FMNL3: variants seen among roughly 807,000 people sequenced by gnomAD.
FMNL3 encodes the protein formin-like protein 3.
Under a neutral mutation model 119.6 loss-of-function variants are expected in FMNL3, and 57 were observed. The ratio of observed to expected loss-of-function variants is 0.48; its 90% CI spans 0.39 to 0.59. The LOEUF (loss-of-function observed/expected upper bound fraction) is 0.59. FMNL3 is among the 20% of genes least tolerant of loss of function. The pLI is 0.00. For synonymous variants in FMNL3, 491 were observed against 507.3 expected, an observed-to-expected ratio of 0.97 and a Z score of 0.43; for missense variants, 1,053 against 1,323.5, an observed-to-expected ratio of 0.80 and a Z score of 3.17.
rs766261030 is a variant in FMNL3, at chr12:49,658,407, T to C, written c.605+35A>G. ...CCGAGACCTGCACTGAAGGGTAGGG[T>C]GGGAGGCAGGTGGGCAGAGCAAAAG... On this transcript the variant is annotated intron_variant, in intron 6 of 25. Coordinates refer to ENST00000335154, the MANE Select transcript of FMNL3 (RefSeq NM_175736.5). The C allele has an allele frequency of 1.8e-5, 28 of 1,541,604 alleles. No homozygotes were observed. In the East Asian group the frequency reaches 6.4e-4, roughly 35 times the overall value.
Position 49,638,609 on chromosome 12 carries a change from A to G in FMNL3, c.*7206T>C, listed in dbSNP as rs1018792016. On this transcript the variant is annotated 3_prime_UTR_variant, in exon 26 of 26. Coordinates refer to ENST00000335154, the MANE Select transcript of FMNL3 (RefSeq NM_175736.5). ...TGGACTAAACCTTGTGTTCCAAAAG[A>G]AAAAAACAAAGAGCATATTTCTTTA... The G allele has an allele frequency of 6.6e-6, 1 of 152,216 alleles. No homozygotes were observed. 9.4% of individuals were successfully genotyped at this position (152,216 alleles called of 1,614,324 possible). A position where few individuals can be genotyped will look rare whatever the true frequency, so the allele number is the denominator to read the frequency against.
In FMNL3 at chr12:49,649,389, C is replaced by G. The variant is rs775025626; in HGVS notation, c.2305-50G>C. 1.1e-5 allele frequency: 18 copies of G among 1,613,516 alleles called. No homozygotes were observed. Among genetic ancestry groups the G allele is most frequent in the Non-Finnish European group, 1.4e-5 (16 of 1,179,618 alleles). On this transcript the variant is annotated intron_variant, in intron 19 of 25. Coordinates refer to ENST00000335154, the MANE Select transcript of FMNL3 (RefSeq NM_175736.5). The surrounding 1 kb of genome is among the most constrained non-coding windows in gnomAD (Gnocchi z 5.6). ...AGGTCAGGCTCAGGTCCTGAAGGCT[C>G]CTTCTTCCTCTCTGTATAGCCCCAG...
chr12:49,678,054 G>C (rs1247870971), intron 1 of FMNL3, among the ~76,000 whole-genome samples: 7 of 152,082 alleles, frequency 4.6e-5, no homozygotes, highest in African/African-American at 1.7e-4. Context: ...AGTAGAGAAG[G>C]GGTTTCACTG....
rs1943375983 is a variant in FMNL3 at position 49,650,844 on chromosome 12, T to C, written c.1832A>G (p.Lys611Arg). Residue 611 changes from lysine to arginine, a missense_variant, in exon 17 of 26, where the codon AAG (lysine) becomes AGG (arginine). Physicochemically the swap from Lys to Arg is conservative, Grantham distance 26 (BLOSUM62 2). Coordinates refer to ENST00000335154, the MANE Select transcript of FMNL3 (RefSeq NM_175736.5). The part of the protein sequence containing the change: ...LDLDKFEELF[K>R]TKAQGPALDL... The stretch of plus-strand genomic sequence containing the variant: ...AAGGGCAGGGCCCTGCGCTTTTGTC[T>C]TGAATAATTCTTCAAACTTATCAAG... The C allele has an allele frequency of 6.2e-7, 1 of 1,614,204 alleles. No individual in the cohort carries two copies. The highest frequency in any genetic ancestry group is 8.5e-7 in the Non-Finnish European group (1 of 1,180,032).
intron 1 of FMNL3, among the ~76,000 whole-genome samples, chr12:49,692,956 T>C (rs1055024739): frequency 6.6e-6 from 1 of 152,176 alleles, no homozygotes; most frequent in Non-Finnish European, 1.5e-5. Flanking sequence ...AAACAGCTTA[T>C]GCAAAGATCC....
At chr12:49,659,899 T>C (rs1036480671) in intron 5 of FMNL3, 1 of 985,336 alleles carries the variant, frequency 1.0e-6, no homozygotes, top group African/African-American at 1.7e-5. Flanking sequence ...TTACAGGTTC[T>C]TCTCCCCCAA....
At chr12:49,660,521 G>A (rs1592656221) in intron 5 of FMNL3, among the ~76,000 whole-genome samples, 1 of 152,292 alleles carries the variant, frequency 6.6e-6, no homozygotes, top group Non-Finnish European at 1.5e-5. Context: ...AGAATGCAGT[G>A]GGCCACTCTT....
chr12:49,678,833 T>A (rs771554259), intron 1 of FMNL3, among the ~76,000 whole-genome samples: 1 of 152,146 alleles, frequency 6.6e-6, no homozygotes, highest in African/African-American at 2.4e-5. Context: ...GATGGTGATA[T>A]TCTAGGCAAG....
At chr12:49,648,052 C>T in intron 22 of FMNL3, 141 bp downstream of exon 22, 1 of 1,101,052 alleles carries the variant, frequency 9.1e-7, no homozygotes, top group Non-Finnish European at 1.3e-6. Context: ...AGCTGCCTGG[C>T]ACTCCCAAAG....
chr12:49,667,281 G>A lies in FMNL3; in HGVS notation c.211-1074C>T, dbSNP rs184645954. Reference sequence around the variant, plus strand: ...CTAAAAACAAATCAAAGAAAAAAACGAAAGGTGTGAGAAACAGCTGAAATT... The same window carrying A: ...CTAAAAACAAATCAAAGAAAAAAACAAAAGGTGTGAGAAACAGCTGAAATT... On this transcript the variant is annotated intron_variant, in intron 2 of 25. Transcript: ENST00000335154. Among the ~76,000 whole-genome samples the A allele has an allele frequency of 4.7e-3, 712 of 152,142 alleles. 8 individuals are homozygous for A. Among genetic ancestry groups the A allele is most frequent in the African/African-American group, 0.016 (682 of 41,456 alleles).
Position 49,636,814 on chromosome 12 carries a change from C to T in FMNL3, c.*9001G>A, listed in dbSNP as rs1416230045. On this transcript the variant is annotated 3_prime_UTR_variant, in exon 26 of 26. Coordinates refer to ENST00000335154, the MANE Select transcript of FMNL3 (RefSeq NM_175736.5). Reference sequence around the variant, plus strand: ...ACGGGAGCGGGCCCGGCTTCGGGAGCGACGCCAACAACGCAAGAATCGGGA... The same window carrying T: ...ACGGGAGCGGGCCCGGCTTCGGGAGTGACGCCAACAACGCAAGAATCGGGA... 2 of 1,614,002 alleles carry T rather than the reference C, an allele frequency of 1.2e-6. No homozygotes were observed. Among genetic ancestry groups the T allele is most frequent in the African/African-American group, 1.3e-5 (1 of 74,912 alleles).
At chr12:49,705,066 G>A (rs1269553252) in intron 1 of FMNL3, among the ~76,000 whole-genome samples, 2 of 152,150 alleles carry the variant, frequency 1.3e-5, no homozygotes, top group African/African-American at 2.4e-5. Flanking sequence ...CCCCAGAGAA[G>A]AACTCAAATC....
At chr12:49,677,752 C>G in intron 1 of FMNL3, among the ~76,000 whole-genome samples, 1 of 152,166 alleles carries the variant, frequency 6.6e-6, no homozygotes, top group South Asian at 2.1e-4. Flanking sequence ...GACAGCATTG[C>G]TGTGAAAGAG....
chr12:49,676,741 T>G (rs1944201507), intron 1 of FMNL3, among the ~76,000 whole-genome samples: 1 of 152,158 alleles, frequency 6.6e-6, no homozygotes, highest in South Asian at 2.1e-4. Flanking sequence ...TTTTTACCAC[T>G]GTCCTTACTA....
chr12:49,674,714 G>C (rs902070490), intron 1 of FMNL3, among the ~76,000 whole-genome samples: 9 of 152,182 alleles, frequency 5.9e-5, no homozygotes, highest in Non-Finnish European at 1.3e-4. Context: ...TACCACTCTG[G>C]TGATGAGCTG....
At chr12:49,703,522 C>T (rs1409331269) in intron 1 of FMNL3, among the ~76,000 whole-genome samples, 1 of 151,844 alleles carries the variant, frequency 6.6e-6, no homozygotes, top group Non-Finnish European at 1.5e-5. Flanking sequence ...CCCATCGAGG[C>T]ACACCTAGAA....
Position 49,657,299 on chromosome 12 carries a change from A to T in FMNL3, c.606-109T>A. 6.4e-6 allele frequency: 5 copies of T among 782,906 alleles called. No homozygotes were observed. The South Asian group carries it at 7.8e-5, about 12-fold the overall frequency. The allele number at this position is 782,906 out of a possible 1,614,324, so 48.5% of individuals were successfully genotyped here. ...GGCTGCCCCTTAGCAGTGGCAAAAA[A>T]TAGGGAATAGCACCTCGTACCAACA... On this transcript the variant is annotated intron_variant, in intron 6 of 25. Coordinates refer to ENST00000335154, the MANE Select transcript of FMNL3 (RefSeq NM_175736.5).
At chr12:49,687,334 T>C (rs1025342421) in intron 1 of FMNL3, among the ~76,000 whole-genome samples, 6 of 127,466 alleles carry the variant, frequency 4.7e-5, no homozygotes, top group African/African-American at 2.0e-4. Flanking sequence ...CCTCGTGATC[T>C]GCCCACCTTT....
At chr12:49,676,520 G>GTTTTTTTTTTTTTTTTTT (rs58117011) in intron 1 of FMNL3, among the ~76,000 whole-genome samples, 1 of 102,996 alleles carries the variant, frequency 9.7e-6, no homozygotes. Flanking sequence ...TTCATAGTGG[G>GTTTTTTTTTTTTTTTTTT]TTTTTTTTTT....
Sources: gnomAD v4.1 joint callset for allele counts (sites outside exome capture counted in the v4.1 genomes callset) on GRCh38, gnomAD v4.1.1 for gene constraint, Gnocchi (gnomAD v3.1) non-coding constraint, MANE v1.5 for transcripts, NCBI Gene and HGNC (gene_info 2026-07-23, HGNC 2026-07-21) for gene names.